Variants in TNFRSF1A observed in about 807,000 individuals in gnomAD.
TNFRSF1A encodes TNF receptor superfamily member 1A, also known as tumor necrosis factor receptor superfamily member 1A.
TNFRSF1A carries 9 observed loss-of-function variants against 41.6 expected under a neutral mutation model. The ratio of observed to expected loss-of-function variants is 0.22; its 90% CI spans 0.13 to 0.38. The LOEUF (loss-of-function observed/expected upper bound fraction) is 0.38, where lower values mean the gene tolerates loss of function less well. Ranked by LOEUF, TNFRSF1A falls within the 10% of genes least tolerant of loss-of-function variation. The pLI, the probability that TNFRSF1A is intolerant of heterozygous loss-of-function variation, is 1.00. For missense variants in TNFRSF1A, 463 were observed against 591.5 expected (o/e 0.78, Z 2.25); for synonymous variants, 254 against 248.6 (o/e 1.02, Z -0.21).
intron 8 of TNFRSF1A, 84 bp downstream of exon 8, chr12:6,330,182 AG>A: frequency 6.2e-7 from 1 of 1,611,358 alleles, no homozygotes; most frequent in South Asian, 1.1e-5. Flanking sequence ...CGGAAAGTGA[AG>A]GATGATTCCA....
intron 1 of TNFRSF1A, among the ~76,000 whole-genome samples, chr12:6,340,549 C>T (rs144445697): frequency 1.3e-5 from 2 of 152,134 alleles, no homozygotes; most frequent in African/African-American, 4.8e-5. Context: ...AAGAGTGAGA[C>T]CCTGACCAGA....
intron 9 of TNFRSF1A, 29 bp from the exon 10 acceptor site, chr12:6,329,651 G>A: frequency 6.3e-7 from 1 of 1,580,792 alleles, no homozygotes; most frequent in South Asian, 1.1e-5. Flanking sequence ...GTGAGCCTCG[G>A]GCGGCAACCC....
At chr12:6,332,906 G>A (rs1251767021) in intron 5 of TNFRSF1A, among the ~76,000 whole-genome samples, 163 bp downstream of exon 5, 1 of 152,194 alleles carries the variant, frequency 6.6e-6, no homozygotes, top group East Asian at 1.9e-4. Context: ...AGAGCAAGGG[G>A]AAGGACTGCC....
chr12:6,331,196 G>A (rs1948045855), intron 5 of TNFRSF1A: 1 of 509,462 alleles, frequency 2.0e-6, no homozygotes, highest in South Asian at 2.0e-5. Context: ...TCCTTGGCTA[G>A]CAGTGTGAAT....
At position 6,333,922 on chromosome 12, in the gene TNFRSF1A, T is replaced by A; in HGVS notation, c.194-57A>T. 1 of 1,602,704 alleles carries A rather than the reference T, an allele frequency of 6.2e-7. No individual in the cohort carries two copies. Among genetic ancestry groups the A allele is most frequent in the Admixed American group, 1.7e-5 (1 of 57,636 alleles). On this transcript the variant is annotated intron_variant, in intron 2 of 9. Coordinates refer to ENST00000162749, the MANE Select transcript of TNFRSF1A (RefSeq NM_001065.4). The surrounding 1 kb of genome is among the most constrained non-coding windows in gnomAD (Gnocchi z 6.3). ...GTGAGAACACAAGGAAGGAGCCCCA[T>A]GCTAGGGACAACAGCCAGGGCCGAT... is the stretch of plus-strand genomic sequence containing the variant.
rs1208713802 is a variant in TNFRSF1A, at chr12:6,333,590, AGT to A, written c.323-76_323-75del. The A allele has an allele frequency of 4.4e-6, 7 of 1,602,730 alleles. No individual in the cohort carries two copies. The African/African-American group carries it at 5.3e-5, about 12-fold the overall frequency. Reference sequence around the variant, plus strand: ...GCATCCCCTTCCTGACATACCCCTAAGTGTGTGTCTCTGTAATACACACTCAC... The same window carrying A: ...GCATCCCCTTCCTGACATACCCCTAAGTGTGTCTCTGTAATACACACTCAC... On this transcript the variant is annotated intron_variant, in intron 3 of 9. Transcript: ENST00000162749. This position sits in a 1 kb window ranked among gnomAD's most constrained non-coding sequence, Gnocchi z 6.3.
chr12:6,331,928 G>A, intron 5 of TNFRSF1A: 1 of 188,820 alleles, frequency 5.3e-6, no homozygotes, highest in East Asian at 1.8e-4. Context: ...TTGAATCTGG[G>A]AGGCAGAGGT....
rs1409143427 is a variant in TNFRSF1A, at chr12:6,334,638, C to T, written c.40-394G>A. Among the ~76,000 whole-genome samples, 1 of 152,080 alleles carries T rather than the reference C, an allele frequency of 6.6e-6. No individual in the cohort carries two copies. Among genetic ancestry groups the T allele is most frequent in the Non-Finnish European group, 1.5e-5 (1 of 68,020 alleles). On this transcript the variant is annotated intron_variant, in intron 1 of 9. Transcript: ENST00000162749. This position sits in a 1 kb window ranked among gnomAD's most constrained non-coding sequence, Gnocchi z 5.1. ...TTAGCCTCCTGAATAGCTGGGACTACGGCCGTGAACCACCATGCCCAGCTA... is the reference window on the plus strand; with the variant it reads ...TTAGCCTCCTGAATAGCTGGGACTATGGCCGTGAACCACCATGCCCAGCTA...
chr12:6,330,764 G>C, intron 6 of TNFRSF1A, 53 bp from the exon 7 acceptor site: 1 of 1,571,036 alleles, frequency 6.4e-7, no homozygotes, highest in Non-Finnish European at 8.8e-7. Context: ...GGGCCGCAGG[G>C]ATAGATGGAT....
At chr12:6,339,816 T>TTCTCTCTCTCTC (rs71450139) in intron 1 of TNFRSF1A, among the ~76,000 whole-genome samples, 1 of 139,244 alleles carries the variant, frequency 7.2e-6, no homozygotes, top group African/African-American at 2.7e-5. Context: ...CCTACCCCAC[T>TTCTCTCTCTCTC]TCTCTCTCTC....
intron 1 of TNFRSF1A, among the ~76,000 whole-genome samples, chr12:6,336,234 G>A (rs548861150): frequency 6.6e-6 from 1 of 152,192 alleles, no homozygotes; most frequent in East Asian, 1.9e-4. Flanking sequence ...CTCCCTGGAG[G>A]GAGGGAGGGA....
At position 6,330,069 on chromosome 12, in the gene TNFRSF1A, G is replaced by A. The variant is rs199743143; in HGVS notation, c.769-3C>T. The A allele has an allele frequency of 7.7e-5, 124 of 1,612,814 alleles. No homozygotes were observed. The African/African-American group carries it at 1.5e-3, about 19-fold the overall frequency. On this transcript the variant is annotated splice_region_variant and splice_polypyrimidine_tract_variant and intron_variant, in intron 8 of 9. Transcript: ENST00000162749. ...GTAGTAGTTCCTTCAAGCTCCCCCT[G>A]AAAGAGAGAAGGTGGCGCAGCATTA...
At position 6,334,651 on chromosome 12, in the gene TNFRSF1A, C is replaced by T. The variant is rs1948096870; in HGVS notation, c.40-407G>A. Among the ~76,000 whole-genome samples the T allele has an allele frequency of 6.6e-6, 1 of 152,080 alleles. No individual in the cohort carries two copies. The highest frequency in any genetic ancestry group is 2.1e-4 in the South Asian group (1 of 4,816). ...TAGCTGGGACTACGGCCGTGAACCA[C>T]CATGCCCAGCTAATTTTTTTTTATT... On this transcript the variant is annotated intron_variant, in intron 1 of 9. Coordinates refer to ENST00000162749, the MANE Select transcript of TNFRSF1A (RefSeq NM_001065.4). This position sits in a 1 kb window ranked among gnomAD's most constrained non-coding sequence, Gnocchi z 5.1.
rs1948022499 is a variant in TNFRSF1A at position 6,330,078 on chromosome 12, A to T, written c.769-12T>A. The T allele has an allele frequency of 1.2e-6, 2 of 1,612,218 alleles. No individual in the cohort carries two copies. Among genetic ancestry groups the T allele is most frequent in the African/African-American group, 2.7e-5 (2 of 74,790 alleles). On this transcript the variant is annotated splice_polypyrimidine_tract_variant and intron_variant, in intron 8 of 9. Coordinates refer to ENST00000162749, the MANE Select transcript of TNFRSF1A (RefSeq NM_001065.4). Reference sequence around the variant, plus strand: ...CCTTCAAGCTCCCCCTGAAAGAGAGAAGGTGGCGCAGCATTAGTGCGGCAG... The same window carrying T: ...CCTTCAAGCTCCCCCTGAAAGAGAGTAGGTGGCGCAGCATTAGTGCGGCAG...
rs115164694 is a variant in TNFRSF1A at position 6,341,910 on chromosome 12, G to A, written c.-96C>T. ...TCCCGGGACTCGGTCTGTCCAGGAC[G>A]TCCCAAGTGCCTTGGGGTGACAGTT... is the stretch of plus-strand genomic sequence containing the variant. On this transcript the variant is annotated 5_prime_UTR_variant, in exon 1 of 10. It adds an upstream start codon to the 5' untranslated region. Coordinates refer to ENST00000162749, the MANE Select transcript of TNFRSF1A (RefSeq NM_001065.4). The surrounding 1 kb of genome is among the most constrained non-coding windows in gnomAD (Gnocchi z 4.6). The A allele has an allele frequency of 6.8e-4, 936 of 1,376,182 alleles. 6 individuals are homozygous for A. The African/African-American group carries it at 0.011, about 16-fold the overall frequency. The allele number at this position is 1,376,182 out of a possible 1,614,324, so 85.2% of individuals were successfully genotyped here. A position where few individuals can be genotyped will look rare whatever the true frequency, so the allele number is the denominator to read the frequency against.
chr12:6,333,129 G>A lies in TNFRSF1A; in HGVS notation c.491C>T (p.Thr164Ile), dbSNP rs1948071442. ...VHLSCQEKQN[T>I]VCTCHAGFFL... ...GAAACCTGCATGGCAGGTGCACACG[G>A]TGTTCTGTTTCTCCTGGCCTGTAGG... Residue 164 changes from threonine (T) to isoleucine (I), a missense_variant, in exon 5 of 10, where the codon ACC becomes ATC. Coordinates refer to ENST00000162749, the MANE Select transcript of TNFRSF1A (RefSeq NM_001065.4). This position sits in a 1 kb window ranked among gnomAD's most constrained non-coding sequence, Gnocchi z 6.3. The A allele has an allele frequency of 6.2e-7, 1 of 1,614,240 alleles. No individual in the cohort carries two copies.
chr12:6,330,492 G>T, intron 7 of TNFRSF1A, 106 bp downstream of exon 7: 1 of 1,025,732 alleles, frequency 9.7e-7, no homozygotes. Context: ...CCAGCGGTAT[G>T]AACTGAGGGG....
rs551904181 is a variant in TNFRSF1A at position 6,333,252 on chromosome 12, T to G, written c.473-105A>C. ...AGGGTGGGGGCGGCCAGAGAGGAGT[T>G]GGTTGTCAGACCCACAGAATACAGG... On this transcript the variant is annotated intron_variant, in intron 4 of 9. Coordinates refer to ENST00000162749, the MANE Select transcript of TNFRSF1A (RefSeq NM_001065.4). The surrounding 1 kb of genome is among the most constrained non-coding windows in gnomAD (Gnocchi z 6.3). 1 of 1,550,378 alleles carries G rather than the reference T, an allele frequency of 6.5e-7. No individual in the cohort carries two copies. Among genetic ancestry groups the G allele is most frequent in the East Asian group, 2.3e-5 (1 of 43,214 alleles).
rs1046990537 is a variant in TNFRSF1A, at chr12:6,333,707, C to T, written c.322+30G>A. On this transcript the variant is annotated intron_variant, in intron 3 of 9. Coordinates refer to ENST00000162749, the MANE Select transcript of TNFRSF1A (RefSeq NM_001065.4). The surrounding 1 kb of genome is among the most constrained non-coding windows in gnomAD (Gnocchi z 6.3). Reference sequence around the variant, plus strand: ...AGGCACCCACACACCACTCAAGACCCGCCTGACTCTCCTGCCTGTGCACAC... The same window carrying T: ...AGGCACCCACACACCACTCAAGACCTGCCTGACTCTCCTGCCTGTGCACAC... 114 of 1,562,690 alleles carry T rather than the reference C, an allele frequency of 7.3e-5. No individual in the cohort carries two copies. The highest frequency in any genetic ancestry group is 8.8e-5 in the Non-Finnish European group (101 of 1,152,734).
Sources: allele counts gnomAD v4.1 joint callset (sites outside exome capture counted in the v4.1 genomes callset), GRCh38; gene constraint gnomAD v4.1.1; non-coding constraint Gnocchi (gnomAD v3.1); transcripts MANE v1.5; gene names NCBI Gene and HGNC (gene_info 2026-07-23, HGNC 2026-07-21).